Variants in MYL12A observed in about 807,000 individuals in gnomAD.
MYL12A encodes the protein myosin light chain 12A, also known as myosin regulatory light chain 12A.
A neutral mutation model predicts 13.3 loss-of-function variants in MYL12A; 11 were observed. The observed-to-expected ratio is 0.83, with a 90% CI of 0.52 to 1.37. MYL12A has a LOEUF of 1.37. Among genes scored for constraint, MYL12A ranks in the 40% most tolerant of loss-of-function variants. The pLI, the probability that MYL12A is intolerant of heterozygous loss-of-function variation, is 0.00. For synonymous variants in MYL12A, 51 were observed against 69.9 expected (o/e 0.73, Z 1.35); for missense variants, 146 against 212.3 (o/e 0.69, Z 1.94).
At position 3,255,968 on chromosome 18, in the gene MYL12A, C is replaced by A; in HGVS notation, c.*50C>A. On this transcript the variant is annotated 3_prime_UTR_variant, in exon 4 of 4. Coordinates refer to ENST00000217652, the MANE Select transcript of MYL12A (RefSeq NM_006471.4). Reference sequence around the variant, plus strand: ...GTTCCTTGTTGCCACTTTGGGTATTCTGAGATTTTCTCTTGCATGCCCTTA... The same window carrying A: ...GTTCCTTGTTGCCACTTTGGGTATTATGAGATTTTCTCTTGCATGCCCTTA... 1 of 1,591,636 alleles carries A rather than the reference C, an allele frequency of 6.3e-7. No individual in the cohort carries two copies. The highest frequency in any genetic ancestry group is 1.1e-5 in the South Asian group (1 of 88,322).
At chr18:3,252,169 T>A (rs2081492497) in intron 1 of MYL12A, 2 of 565,518 alleles carry the variant, frequency 3.5e-6, no homozygotes, top group East Asian at 6.1e-5. Flanking sequence ...TAAATGTTGT[T>A]TTCAGAACGT....
chr18:3,253,875 T>C lies in MYL12A; in HGVS notation c.182-14T>C. 6.3e-7 allele frequency: 1 copy of C among 1,590,076 alleles called. No individual in the cohort carries two copies. Among genetic ancestry groups the C allele is most frequent in the Admixed American group, 1.9e-5 (1 of 51,678 alleles). On this transcript the variant is annotated splice_polypyrimidine_tract_variant and intron_variant, in intron 2 of 3. Transcript: ENST00000217652. ...GTAATGTAATTAAAATTATGACCCC[T>C]TTTAAAAATTTAGGGAAGAATCCAA...
chr18:3,248,242 G>A (rs942843947), intron 1 of MYL12A: 3 of 94,488 alleles, frequency 3.2e-5, no homozygotes, highest in Non-Finnish European at 8.4e-5. Context: ...AAGAGGGTTT[G>A]CGCAAAAACG....
At position 3,256,198 on chromosome 18, in the gene MYL12A, G is replaced by C. The variant is rs866963310; in HGVS notation, c.*280G>C. ...TTTTTTCAGAGAAAGTTATTCGCTC[G>C]ATTTTTTCTGAATCATAATTAAACT... On this transcript the variant is annotated 3_prime_UTR_variant, in exon 4 of 4. Coordinates refer to ENST00000217652, the MANE Select transcript of MYL12A (RefSeq NM_006471.4). The C allele has an allele frequency of 6.4e-6, 2 of 311,372 alleles. No homozygotes were observed. Among genetic ancestry groups the C allele is most frequent in the Non-Finnish European group, 1.2e-5 (2 of 171,564 alleles). 19.3% of individuals were successfully genotyped at this position (311,372 alleles called of 1,614,324 possible). A position where few individuals can be genotyped will look rare whatever the true frequency, so the allele number is the denominator to read the frequency against.
At chr18:3,251,594 C>T (rs946389954) in intron 1 of MYL12A, among the ~76,000 whole-genome samples, 2 of 152,150 alleles carry the variant, frequency 1.3e-5, no homozygotes, top group Non-Finnish European at 1.5e-5. Context: ...ATAATATATT[C>T]TATATCTCTT....
chr18:3,252,052 C>T (rs1288154352), intron 1 of MYL12A, among the ~76,000 whole-genome samples: 1 of 152,144 alleles, frequency 6.6e-6, no homozygotes, highest in African/African-American at 2.4e-5. Flanking sequence ...ATCGGAAACA[C>T]ATTCTTAGGG....
chr18:3,250,247 T>G (rs1313337581), intron 1 of MYL12A, among the ~76,000 whole-genome samples: 2 of 152,260 alleles, frequency 1.3e-5, no homozygotes, highest in Non-Finnish European at 1.5e-5. Flanking sequence ...TTTTTTAGAT[T>G]AAGGGGTATA....
intron 1 of MYL12A, 147 bp downstream of exon 1, chr18:3,248,056 A>C (rs2081447688): frequency 6.6e-6 from 1 of 152,218 alleles, no homozygotes; most frequent in Admixed American, 6.5e-5. Flanking sequence ...ATCCGAGGCC[A>C]TGGCTTGGAG....
Position 3,253,939 on chromosome 18 carries a change from G to C in MYL12A, c.232G>C (p.Gly78Arg). 1 of 1,613,920 alleles carries C rather than the reference G, an allele frequency of 6.2e-7. No individual in the cohort carries two copies. Among genetic ancestry groups the C allele is most frequent in the Non-Finnish European group, 8.5e-7 (1 of 1,179,928 alleles). ...AGATGCCATGATGAATGAGGCTCCA[G>C]GCCCCATCAATTTCACCATGTTCCT... ...YLDAMMNEAP[G>R]PINFTMFLTM... The change falls in exon 3 of 4, where the codon GGC (glycine) becomes CGC (arginine). Residue 78 changes from glycine to arginine, a missense_variant. Transcript: ENST00000217652.
In MYL12A at chr18:3,255,123, A is replaced by C. The variant is rs1206071087; in HGVS notation, c.344-623A>C. 2.6e-5 allele frequency among the ~76,000 whole-genome samples: 4 copies of C among 152,228 alleles called. No individual in the cohort carries two copies. The East Asian group carries it at 7.7e-4, about 29-fold the overall frequency. Reference sequence around the variant, plus strand: ...CACTGCCCAGCACAGTGCCTGCCACATAGTTAGTGCTCAAATATTTATTCC... The same window carrying C: ...CACTGCCCAGCACAGTGCCTGCCACCTAGTTAGTGCTCAAATATTTATTCC... On this transcript the variant is annotated intron_variant, in intron 3 of 3. Transcript: ENST00000217652.
rs1314700394 is a variant in MYL12A, at chr18:3,255,674, C to T, written c.344-72C>T. On this transcript the variant is annotated intron_variant, in intron 3 of 3. Transcript: ENST00000217652. ...TTGTAACATACAGAACATGCTTAGT[C>T]AAGTATAGATATTCTTTGTAATTAA... 7 of 1,506,026 alleles carry T rather than the reference C, an allele frequency of 4.6e-6. No individual in the cohort carries two copies. The East Asian group carries it at 1.1e-4, about 25-fold the overall frequency. 93.3% of individuals were successfully genotyped at this position (1,506,026 alleles called of 1,614,324 possible). A position where few individuals can be genotyped will look rare whatever the true frequency, so the allele number is the denominator to read the frequency against.
chr18:3,251,332 AATAG>A (rs1346881807), intron 1 of MYL12A, among the ~76,000 whole-genome samples: 1 of 150,848 alleles, frequency 6.6e-6, no homozygotes, highest in Non-Finnish European at 1.5e-5. Context: ...GATTTTATAT[AATAG>A]ATTAAAAAAT....
rs955707148 is a variant in MYL12A, at chr18:3,247,884, T to A, written c.-41T>A. Reference sequence around the variant, plus strand: ...AGCGGCAGCGAGGGGCTCGGAGAGGTGCTCGGATTCTCGTAGCTGTGCCGG... The same window carrying A: ...AGCGGCAGCGAGGGGCTCGGAGAGGAGCTCGGATTCTCGTAGCTGTGCCGG... On this transcript the variant is annotated 5_prime_UTR_variant, in exon 1 of 4. Coordinates refer to ENST00000217652, the MANE Select transcript of MYL12A (RefSeq NM_006471.4). The A allele has an allele frequency of 6.6e-6, 1 of 151,806 alleles. No individual in the cohort carries two copies. The highest frequency in any genetic ancestry group is 1.5e-5 in the Non-Finnish European group (1 of 67,956). 9.4% of individuals were successfully genotyped at this position (151,806 alleles called of 1,614,324 possible).
At chr18:3,255,296 A>G (rs1346543695) in intron 3 of MYL12A, 1 of 152,808 alleles carries the variant, frequency 6.5e-6, no homozygotes, top group Non-Finnish European at 1.5e-5. Context: ...CTGGGCCTCA[A>G]GCTTCCGGTA....
chr18:3,251,889 CTA>C (rs145172871), intron 1 of MYL12A, among the ~76,000 whole-genome samples: 6,439 of 152,224 alleles, frequency 0.042, 172 homozygotes, highest in Middle Eastern at 0.082. Flanking sequence ...GAATTTGTGA[CTA>C]TCCTTTGTGG....
rs1366348792 is a variant in MYL12A at position 3,256,199 on chromosome 18, A to AT, written c.*287dup. On this transcript the variant is annotated 3_prime_UTR_variant, in exon 4 of 4. Transcript: ENST00000217652. Reference sequence around the variant, plus strand: ...TTTTTCAGAGAAAGTTATTCGCTCGATTTTTTCTGAATCATAATTAAACTT... The same window carrying AT: ...TTTTTCAGAGAAAGTTATTCGCTCGATTTTTTTCTGAATCATAATTAAACTT... 1.9e-5 allele frequency: 6 copies of AT among 315,854 alleles called. No individual in the cohort carries two copies. Among genetic ancestry groups the AT allele is most frequent in the Admixed American group, 5.1e-5 (1 of 19,720 alleles). The allele number at this position is 315,854 out of a possible 1,614,324, so 19.6% of individuals were successfully genotyped here. A position where few individuals can be genotyped will look rare whatever the true frequency, so the allele number is the denominator to read the frequency against.
intron 3 of MYL12A, among the ~76,000 whole-genome samples, chr18:3,254,727 G>A (rs1025628484): frequency 1.1e-4 from 16 of 152,244 alleles, no homozygotes; most frequent in African/African-American, 3.6e-4. Flanking sequence ...TATCTATATA[G>A]GGGCCTGATC....
At chr18:3,248,734 C>T (rs967561288) in intron 1 of MYL12A, 2 of 152,234 alleles carry the variant, frequency 1.3e-5, no homozygotes, top group African/African-American at 4.8e-5. Flanking sequence ...ACTGGCAAGT[C>T]AGCCCTCACA....
rs1186037746 is a variant in MYL12A, at chr18:3,256,141, C to G, written c.*223C>G. ...AATTTAACCTACCAGCCCTTCTCCC[C>G]CAATAACTGTGGTCTATACAGAGTC... On this transcript the variant is annotated 3_prime_UTR_variant, in exon 4 of 4. Transcript: ENST00000217652. 1.7e-6 allele frequency: 1 copy of G among 583,928 alleles called. No homozygotes were observed. The highest frequency in any genetic ancestry group is 2.9e-6 in the Non-Finnish European group (1 of 339,038). 36.2% of individuals were successfully genotyped at this position (583,928 alleles called of 1,614,324 possible).
Sources: allele counts gnomAD v4.1 joint callset (sites outside exome capture counted in the v4.1 genomes callset), GRCh38; gene constraint gnomAD v4.1.1; transcripts MANE v1.5; gene names NCBI Gene and HGNC (gene_info 2026-07-23, HGNC 2026-07-21).